The following DOCK1 variants were observed in gnomAD, a reference collection of about 807,000 sequenced individuals.
The protein encoded by DOCK1 is dedicator of cytokinesis protein 1.
Under a neutral mutation model 262.7 loss-of-function variants are expected in DOCK1, and 138 were observed. That is an observed-to-expected ratio of 0.53 (90% CI 0.46 to 0.61). DOCK1 has a LOEUF of 0.61. DOCK1 is among the 20% of genes least tolerant of loss of function. DOCK1 has a pLI of 0.00. For synonymous variants in DOCK1, 866 were observed against 867.4 expected (o/e 1.00, Z 0.03); for missense variants, 1,908 against 2,370.7 (o/e 0.80, Z 4.05).
At chr10:127,268,289 A>T (rs1332237238) in intron 29 of DOCK1, among the ~76,000 whole-genome samples, 1 of 151,938 alleles carries the variant, frequency 6.6e-6, no homozygotes, top group Non-Finnish European at 1.5e-5. Flanking sequence ...AGGCCGAGGG[A>T]GTTCGAGACC....
chr10:127,199,238 A>G (rs1302769199), intron 27 of DOCK1, among the ~76,000 whole-genome samples: 1 of 152,162 alleles, frequency 6.6e-6, no homozygotes, highest in African/African-American at 2.4e-5. Context: ...AAGACGGCTA[A>G]CTAAGCAAAA....
chr10:127,440,123 G>A (rs908120387), intron 49 of DOCK1, among the ~76,000 whole-genome samples: 1 of 139,914 alleles, frequency 7.1e-6, no homozygotes, highest in Non-Finnish European at 1.5e-5. Flanking sequence ...GCAGGGGAGG[G>A]GAGCAGGCGT....
At chr10:127,057,810 G>C (rs1346305524) in intron 22 of DOCK1, among the ~76,000 whole-genome samples, 4 of 152,156 alleles carry the variant, frequency 2.6e-5, no homozygotes, top group African/African-American at 9.6e-5. Flanking sequence ...ATTAGTTATT[G>C]ATCATGAATA....
At chr10:126,985,390 A>G (rs874167) in intron 4 of DOCK1, among the ~76,000 whole-genome samples, 3,177 of 152,290 alleles carry the variant, frequency 0.021, 117 homozygotes, top group African/African-American at 0.071. Context: ...CTGGCAGGTA[A>G]CAAGGTGGTA....
chr10:127,388,870 TGAG>T (rs2066293990), intron 38 of DOCK1, among the ~76,000 whole-genome samples: 1 of 52,074 alleles, frequency 1.9e-5, no homozygotes, highest in Non-Finnish European at 3.6e-5. Context: ...GTTAGACAGG[TGAG>T]TCTAACAATC....
At chr10:127,147,030 T>C (rs1169651165) in intron 27 of DOCK1, among the ~76,000 whole-genome samples, 1 of 152,252 alleles carries the variant, frequency 6.6e-6, no homozygotes, top group Non-Finnish European at 1.5e-5. Flanking sequence ...TGTGGTCTTA[T>C]TGGTGTTGTA....
intron 27 of DOCK1, chr10:127,127,981 A>G (rs892436382): frequency 2.8e-6 from 1 of 356,484 alleles, no homozygotes; most frequent in Non-Finnish European, 5.0e-6. Context: ...TTTTCTCATT[A>G]CTTACTTATA....
intron 26 of DOCK1, among the ~76,000 whole-genome samples, chr10:127,126,312 G>A (rs1361425265): frequency 6.6e-6 from 1 of 151,974 alleles, no homozygotes; most frequent in African/African-American, 2.4e-5. Flanking sequence ...GGCCAGGCTG[G>A]TCTCAAACTC....
At chr10:127,299,241 G>A (rs2061601090) in intron 29 of DOCK1, among the ~76,000 whole-genome samples, 1 of 152,166 alleles carries the variant, frequency 6.6e-6, no homozygotes, top group African/African-American at 2.4e-5. Context: ...TGGGATTACA[G>A]GCATGCGCCA....
rs1207325945 is a variant in DOCK1, at chr10:127,175,747, A to C, written c.2847+47983A>C. On this transcript the variant is annotated intron_variant, in intron 27 of 51. Transcript: ENST00000623213. This position sits in a 1 kb window ranked among gnomAD's most constrained non-coding sequence, Gnocchi z 6.3. Reference sequence around the variant, plus strand: ...AGCAGCTGGTAATCGGGCTCTTCGGATGGAGGCCGAGTGGAGTTTTGGAGC... The same window carrying C: ...AGCAGCTGGTAATCGGGCTCTTCGGCTGGAGGCCGAGTGGAGTTTTGGAGC... 1.2e-6 allele frequency: 2 copies of C among 1,613,932 alleles called. No individual in the cohort carries two copies.
At chr10:127,022,093 A>G (rs953228512) in intron 13 of DOCK1, among the ~76,000 whole-genome samples, 13 of 151,916 alleles carry the variant, frequency 8.6e-5, no homozygotes, top group African/African-American at 1.9e-4. Flanking sequence ...GGGGCTTCCT[A>G]TGTTCTCAGT....
intron 47 of DOCK1, among the ~76,000 whole-genome samples, chr10:127,428,955 C>T (rs1343555762): frequency 8.0e-6 from 1 of 124,672 alleles, no homozygotes; most frequent in Non-Finnish European, 1.6e-5. Flanking sequence ...GATTGGGGTG[C>T]TGTGTGGATT....
intron 29 of DOCK1, among the ~76,000 whole-genome samples, chr10:127,280,772 T>C (rs968538821): frequency 6.6e-6 from 1 of 152,212 alleles, no homozygotes; most frequent in African/African-American, 2.4e-5. Flanking sequence ...CCTGTGCTGG[T>C]GTAGAATTGC....
chr10:127,007,300 A>G (rs1414683456), intron 10 of DOCK1: 2 of 152,100 alleles, frequency 1.3e-5, no homozygotes, highest in Admixed American at 6.5e-5. Flanking sequence ...TTTTGGTTCT[A>G]TGTATCCCTC....
intron 23 of DOCK1, among the ~76,000 whole-genome samples, chr10:127,072,448 CAT>C (rs2046285230): frequency 6.6e-6 from 1 of 152,186 alleles, no homozygotes; most frequent in African/African-American, 2.4e-5. Flanking sequence ...AAATCACAGA[CAT>C]AAAATTATCA....
chr10:127,134,591 G>A (rs1198071838), intron 27 of DOCK1, among the ~76,000 whole-genome samples: 2 of 152,158 alleles, frequency 1.3e-5, no homozygotes, highest in African/African-American at 4.8e-5. Context: ...GTATCTGGGT[G>A]TCTGTAGAAC....
chr10:127,106,299 C>CAGAT lies in DOCK1; in HGVS notation c.2516_2516+1insATAG (p.Ser839ArgfsTer2). ...AATTGGTGTTTGATCCCAAAGAGCT[C>CAGAT]AGGTAAGTATGCAGCCCAGGCGAAT... On this transcript the variant is annotated frameshift_variant and splice_region_variant, in exon 24 of 52. Transcript: ENST00000623213. LOFTEE classifies it high-confidence loss of function. The CAGAT allele has an allele frequency of 1.3e-6, 2 of 1,595,508 alleles. No homozygotes were observed. The highest frequency in any genetic ancestry group is 2.3e-5 in the South Asian group (2 of 87,622).
intron 29 of DOCK1, among the ~76,000 whole-genome samples, chr10:127,292,949 C>T (rs895263995): frequency 6.6e-6 from 1 of 152,162 alleles, no homozygotes; most frequent in Non-Finnish European, 1.5e-5. Context: ...GGGAAGTCCC[C>T]ACTTGACAGG....
At chr10:127,366,709 G>T (rs1419394168) in intron 33 of DOCK1, among the ~76,000 whole-genome samples, 1 of 152,170 alleles carries the variant, frequency 6.6e-6, no homozygotes, top group Non-Finnish European at 1.5e-5. Context: ...CATGTGTGTG[G>T]CACATTGGTG....
Sources: gnomAD v4.1 joint callset for allele counts (sites outside exome capture counted in the v4.1 genomes callset) on GRCh38, gnomAD v4.1.1 for gene constraint, Gnocchi (gnomAD v3.1) non-coding constraint, MANE v1.5 for transcripts, NCBI Gene and HGNC (gene_info 2026-07-23, HGNC 2026-07-21) for gene names.